The following PCSK5 variants were observed in gnomAD, a reference collection of about 807,000 sequenced individuals.
PCSK5 encodes the protein prohormone convertase 5.
PCSK5 carries 129 observed loss-of-function variants against 233.2 expected under a neutral mutation model. That is an observed-to-expected ratio of 0.55 (90% CI 0.48 to 0.64). PCSK5 has a LOEUF of 0.64. Among genes scored for constraint, PCSK5 ranks in the 30% least tolerant of loss-of-function variants. The probability of loss-of-function intolerance (pLI) is 0.00; values close to 1 mark genes in which losing one functional copy is unlikely to be tolerated. For missense variants in PCSK5, 2,076 were observed against 2,430.1 expected (o/e 0.85, Z 3.06); for synonymous variants, 825 against 879.2 (o/e 0.94, Z 1.09).
intron 5 of PCSK5, among the ~76,000 whole-genome samples, chr9:76,032,524 T>C (rs1828692148): frequency 6.6e-6 from 1 of 152,130 alleles, no homozygotes; most frequent in African/African-American, 2.4e-5. Flanking sequence ...ACAAAAGTTA[T>C]AAAAATCCCT....
chr9:76,040,846 C>T (rs1342170961), intron 5 of PCSK5, among the ~76,000 whole-genome samples: 1 of 152,104 alleles, frequency 6.6e-6, no homozygotes, highest in African/African-American at 2.4e-5. Context: ...TTTCTGAATA[C>T]CTAGTAGAAA....
chr9:76,348,033 G>A (rs904917114), intron 35 of PCSK5, among the ~76,000 whole-genome samples: 1 of 152,144 alleles, frequency 6.6e-6, no homozygotes, highest in Non-Finnish European at 1.5e-5. Context: ...CACTTTGGGA[G>A]GCCAAGGTGG....
chr9:76,191,493 C>CAAAG (rs1232736033), intron 20 of PCSK5, among the ~76,000 whole-genome samples: 1 of 152,162 alleles, frequency 6.6e-6, no homozygotes, highest in Non-Finnish European at 1.5e-5. Flanking sequence ...CAACTCCCTA[C>CAAAG]AAAGAATCTC....
At chr9:76,049,849 A>G (rs1328688281) in intron 5 of PCSK5, among the ~76,000 whole-genome samples, 1 of 152,236 alleles carries the variant, frequency 6.6e-6, no homozygotes, top group Non-Finnish European at 1.5e-5. Flanking sequence ...CCATCACTCA[A>G]TCATTAACAG....
intron 12 of PCSK5, among the ~76,000 whole-genome samples, chr9:76,166,485 G>GAGCC (rs2131835355): frequency 6.6e-6 from 1 of 152,308 alleles, no homozygotes; most frequent in Non-Finnish European, 1.5e-5. Flanking sequence ...GGGAAGAAAC[G>GAGCC]TAGGGTCTGC....
At chr9:76,241,152 C>T (rs1020352520) in intron 24 of PCSK5, among the ~76,000 whole-genome samples, 2 of 152,114 alleles carry the variant, frequency 1.3e-5, no homozygotes, top group African/African-American at 4.8e-5. Flanking sequence ...ATAAAAATGA[C>T]TCTGTTGGGC....
rs10694867 is a variant in PCSK5, at chr9:76,018,007, C to CAAAA, written c.412-5722_412-5719dup. ...GGAAAAGGTTAAAGAAGGTCTCCTC[C>CAAAA]AAAAAAAAAAAATGTGTGAGGGAGT... On this transcript the variant is annotated intron_variant, in intron 3 of 37. Coordinates refer to ENST00000674117, the MANE Select transcript of PCSK5 (RefSeq NM_001372043.1). Among the ~76,000 whole-genome samples, 19 of 121,018 alleles carry CAAAA rather than the reference C, an allele frequency of 1.6e-4. 5 individuals carry two copies. Among genetic ancestry groups the CAAAA allele is most frequent in the African/African-American group, 2.3e-4 (7 of 29,860 alleles). The allele number at this position is 121,018 out of a possible 152,430, so 79.4% of individuals were successfully genotyped here. A position where few individuals can be genotyped will look rare whatever the true frequency, so the allele number is the denominator to read the frequency against.
Position 76,355,346 on chromosome 9 carries a change from G to A in PCSK5, c.5254+1127G>A, listed in dbSNP as rs145896031. On this transcript the variant is annotated intron_variant, in intron 37 of 37. Coordinates refer to ENST00000674117, the MANE Select transcript of PCSK5 (RefSeq NM_001372043.1). ...AAATTAGCCAGGCGTGGTGGCGGGC[G>A]CCTGTAGTCCCAGCTACTCAGGAGG... 5.2e-3 allele frequency among the ~76,000 whole-genome samples: 795 copies of A among 152,146 alleles called. 8 individuals carry two copies. The highest frequency in any genetic ancestry group is 0.018 in the African/African-American group (758 of 41,514).
intron 24 of PCSK5, chr9:76,286,927 G>A: frequency 4.1e-6 from 1 of 244,328 alleles, no homozygotes; most frequent in South Asian, 5.8e-5. Context: ...AGCCACTTGT[G>A]CAGCCTGCCC....
rs748065478 is a variant in PCSK5 at position 76,157,114 on chromosome 9, C to A, written c.1382C>A (p.Thr461Asn). 1 of 1,613,808 alleles carries A rather than the reference C, an allele frequency of 6.2e-7. No homozygotes were observed. The highest frequency in any genetic ancestry group is 8.5e-7 in the Non-Finnish European group (1 of 1,179,910). ...GTGATGGAGGCAGAGAAGTGGACCA[C>A]CGTTCCCCGGCAGCACGTGTGTGTG... Reference protein sequence around the residue: ...AMVMEAEKWTTVPRQHVCVES... With the variant: ...AMVMEAEKWTNVPRQHVCVES... Residue 461 changes from threonine to asparagine, a missense_variant, in exon 11 of 38, where the codon ACC becomes AAC. This residue lies in a region of PCSK5 where 64 missense variants were observed against 68.6 expected (regional missense o/e 0.93). Transcript: ENST00000674117.
intron 2 of PCSK5, among the ~76,000 whole-genome samples, chr9:75,946,530 C>T (rs988465228): frequency 2.6e-5 from 4 of 152,116 alleles, no homozygotes; most frequent in Admixed American, 6.6e-5. Flanking sequence ...TTGCTTTTTT[C>T]ATATTCTCTG....
rs947891177 is a variant in PCSK5, at chr9:76,323,254, A to G, written c.4305A>G (p.Gly1435=). The G allele has an allele frequency of 1.9e-6, 3 of 1,611,496 alleles. No homozygotes were observed. The highest frequency in any genetic ancestry group is 2.7e-5 in the African/African-American group (2 of 74,876). ...TGTGCTTGGAGGAGTGTCCAGCAGGAACCTATTATGAAAAGGAGACTAAGG... is the reference window on the plus strand; with the variant it reads ...TGTGCTTGGAGGAGTGTCCAGCAGGGACCTATTATGAAAAGGAGACTAAGG... ...DGLCLEECPA[G]TYYEKETKEC... Residue 1435 remains glycine (G), a synonymous_variant, in exon 32 of 38, where the codon GGA becomes GGG. Transcript: ENST00000674117.
chr9:75,992,624 C>T (rs1034064853), intron 3 of PCSK5, among the ~76,000 whole-genome samples: 6 of 151,974 alleles, frequency 3.9e-5, no homozygotes, highest in Non-Finnish European at 8.8e-5. Context: ...TTTTTTTCTG[C>T]CTCACAGAAG....
chr9:75,947,230 T>G (rs1266493819), intron 2 of PCSK5, among the ~76,000 whole-genome samples: 1 of 152,186 alleles, frequency 6.6e-6, no homozygotes, highest in Non-Finnish European at 1.5e-5. Flanking sequence ...ATGTGGCTTT[T>G]GAAGAAATAG....
At chr9:76,013,333 A>T (rs1827811644) in intron 3 of PCSK5, among the ~76,000 whole-genome samples, 1 of 152,132 alleles carries the variant, frequency 6.6e-6, no homozygotes, top group African/African-American at 2.4e-5. Context: ...CATTTATTTG[A>T]TCCTCTCTTC....
At chr9:75,897,578 C>T (rs1825866444) in intron 1 of PCSK5, among the ~76,000 whole-genome samples, 1 of 151,290 alleles carries the variant, frequency 6.6e-6, no homozygotes, top group South Asian at 2.1e-4. Context: ...GCTGCAACCG[C>T]TGCCTCCTAG....
intron 24 of PCSK5, among the ~76,000 whole-genome samples, chr9:76,259,623 C>A (rs533799880): frequency 1.3e-5 from 2 of 152,114 alleles, no homozygotes; most frequent in Non-Finnish European, 2.9e-5. Context: ...CAGGCAGAGA[C>A]TTGATCGATT....
At chr9:75,986,724 T>C (rs1826533001) in intron 3 of PCSK5, among the ~76,000 whole-genome samples, 1 of 152,224 alleles carries the variant, frequency 6.6e-6, no homozygotes, top group Non-Finnish European at 1.5e-5. Context: ...CTTTAGGTAA[T>C]ACTTTGTAAA....
chr9:75,934,046 G>T (rs1401402802), intron 2 of PCSK5, among the ~76,000 whole-genome samples: 2 of 152,100 alleles, frequency 1.3e-5, no homozygotes, highest in Non-Finnish European at 2.9e-5. Context: ...TTATCTTGGG[G>T]CATCTTGGTG....
Sources: allele counts gnomAD v4.1 joint callset (sites outside exome capture counted in the v4.1 genomes callset), GRCh38; gene constraint gnomAD v4.1.1; regional missense constraint gnomAD v4.1.1; transcripts MANE v1.5; gene names NCBI Gene and HGNC (gene_info 2026-07-23, HGNC 2026-07-21).